Variants in TMEFF2 observed in about 807,000 individuals in gnomAD.
TMEFF2 encodes transmembrane protein with EGF like and two follistatin like domains 2.
Under a neutral mutation model 53.8 loss-of-function variants are expected in TMEFF2, and 28 were observed. The ratio of observed to expected loss-of-function variants is 0.52; its 90% CI spans 0.39 to 0.71. The LOEUF is 0.71. Among genes scored for constraint, TMEFF2 ranks in the 30% least tolerant of loss-of-function variants. The pLI, the probability that TMEFF2 is intolerant of heterozygous loss-of-function variation, is 0.00. For synonymous variants in TMEFF2, 162 were observed against 166.3 expected (o/e 0.97, Z 0.20); for missense variants, 353 against 455.2 (o/e 0.78, Z 2.04).
intron 5 of TMEFF2, among the ~76,000 whole-genome samples, chr2:192,003,925 G>T (rs959848221): frequency 1.6e-5 from 2 of 128,470 alleles, no homozygotes; most frequent in African/African-American, 6.6e-5. Context: ...TTGTGTGTGT[G>T]TGTGGGGGGG....
intron 4 of TMEFF2, among the ~76,000 whole-genome samples, chr2:192,125,845 G>A (rs934743874): frequency 5.3e-4 from 80 of 152,126 alleles, no homozygotes; most frequent in African/African-American, 1.8e-3. Context: ...GACACATGTT[G>A]GGAAACAAGA....
At chr2:192,152,416 A>G (rs1690409469) in intron 4 of TMEFF2, among the ~76,000 whole-genome samples, 1 of 151,880 alleles carries the variant, frequency 6.6e-6, no homozygotes, top group Non-Finnish European at 1.5e-5. Flanking sequence ...GACCTCATGG[A>G]AGGTAGTTAA....
chr2:192,155,008 T>C (rs1452046655), intron 4 of TMEFF2, among the ~76,000 whole-genome samples: 1 of 151,960 alleles, frequency 6.6e-6, no homozygotes, highest in Non-Finnish European at 1.5e-5. Context: ...TTAAGTTGGA[T>C]ATCGATATTT....
At chr2:192,077,301 A>G (rs1688454539) in intron 4 of TMEFF2, among the ~76,000 whole-genome samples, 1 of 152,180 alleles carries the variant, frequency 6.6e-6, no homozygotes, top group Non-Finnish European at 1.5e-5. Context: ...AGCAAAGAAG[A>G]AAATGCCTCA....
chr2:191,986,824 C>T (rs1228941186), intron 7 of TMEFF2, among the ~76,000 whole-genome samples: 2 of 146,720 alleles, frequency 1.4e-5, no homozygotes, highest in East Asian at 2.0e-4. Flanking sequence ...TGTCACTGCA[C>T]TCCAGGCTGG....
chr2:192,142,762 C>T (rs187891851), intron 4 of TMEFF2, among the ~76,000 whole-genome samples: 1 of 152,204 alleles, frequency 6.6e-6, no homozygotes, highest in Non-Finnish European at 1.5e-5. Context: ...TAAAAGCTAC[C>T]ACTGATCTAA....
chr2:192,047,932 C>T lies in TMEFF2; in HGVS notation c.536+9747G>A, dbSNP rs187623106. 1.4e-3 allele frequency among the ~76,000 whole-genome samples: 218 copies of T among 152,276 alleles called. 1 individual carries two copies. The highest frequency in any genetic ancestry group is 3.4e-3 in the Middle Eastern group (1 of 294). On this transcript the variant is annotated intron_variant, in intron 5 of 9. Transcript: ENST00000272771. ...CAGAAGACCAGCAACAGTTTCTACC[C>T]GATTTAATACACCTTTGGGAGGACA... is the stretch of plus-strand genomic sequence containing the variant.
chr2:192,078,759 T>C (rs60078011), intron 4 of TMEFF2, among the ~76,000 whole-genome samples: 5,103 of 152,284 alleles, frequency 0.034, 290 homozygotes, highest in African/African-American at 0.11. Flanking sequence ...TCTAATCGAC[T>C]ATATCAGTTC....
chr2:192,055,482 A>G (rs1449295046), intron 5 of TMEFF2, among the ~76,000 whole-genome samples: 1 of 152,150 alleles, frequency 6.6e-6, no homozygotes, highest in Non-Finnish European at 1.5e-5. Context: ...TTTAAAAACC[A>G]TACATTTGTT....
At chr2:192,077,927 C>T (rs570216286) in intron 4 of TMEFF2, among the ~76,000 whole-genome samples, 1 of 151,992 alleles carries the variant, frequency 6.6e-6, no homozygotes, top group South Asian at 2.1e-4. Flanking sequence ...TCCTTGCCAC[C>T]CCCGTGTGTG....
chr2:192,119,951 G>C (rs1428577357), intron 4 of TMEFF2, among the ~76,000 whole-genome samples: 1 of 152,124 alleles, frequency 6.6e-6, no homozygotes, highest in African/African-American at 2.4e-5. Flanking sequence ...AGTAATTTCT[G>C]GACCCTGTTC....
intron 8 of TMEFF2, 122 bp downstream of exon 8, chr2:191,956,128 CAGAGA>C (rs1436093431): frequency 1.6e-5 from 15 of 951,252 alleles, no homozygotes; most frequent in African/African-American, 8.3e-5. Flanking sequence ...ACAGGAGGAG[CAGAGA>C]AAAGTTTTGT....
chr2:192,094,611 T>C (rs1254664489), intron 4 of TMEFF2, among the ~76,000 whole-genome samples: 3 of 152,148 alleles, frequency 2.0e-5, no homozygotes, highest in African/African-American at 7.2e-5. Flanking sequence ...AAAACAAATA[T>C]TTTCAAACTT....
intron 4 of TMEFF2, among the ~76,000 whole-genome samples, chr2:192,144,779 C>A (rs1173012866): frequency 6.6e-6 from 1 of 151,912 alleles, no homozygotes; most frequent in Non-Finnish European, 1.5e-5. Context: ...CCTGTACATG[C>A]TGAGAACAGG....
Position 191,998,271 on chromosome 2 carries a change from C to G in TMEFF2, c.736G>C (p.Asp246His), listed in dbSNP as rs1686271846. Residue 246 changes from aspartate to histidine, a missense_variant, in exon 7 of 10, where the codon GAT becomes CAT. By Grantham distance (81) the Asp-to-His change is moderately conservative. This residue lies in a region of TMEFF2 where 294 missense variants were observed against 397.3 expected (regional missense o/e 0.74). Transcript: ENST00000272771. The stretch of plus-strand genomic sequence containing the variant: ...AGAAAATATTATGTACCTGCATAAT[C>G]TGTTCTTGCATAATGCCCATCTTCA... ...KSEDGHYARTDYAENANKLEE... is the reference protein window; with the variant it reads ...KSEDGHYARTHYAENANKLEE... 1 of 1,598,208 alleles carries G rather than the reference C, an allele frequency of 6.3e-7. No individual in the cohort carries two copies. The highest frequency in any genetic ancestry group is 1.1e-5 in the South Asian group (1 of 88,756).
chr2:192,162,739 A>G (rs1005858275), intron 4 of TMEFF2, among the ~76,000 whole-genome samples: 1 of 152,208 alleles, frequency 6.6e-6, no homozygotes, highest in East Asian at 1.9e-4. Context: ...ATGAGCTTTT[A>G]AAAACCAAAC....
intron 5 of TMEFF2, among the ~76,000 whole-genome samples, chr2:192,015,261 A>G (rs1042581494): frequency 1.4e-5 from 2 of 143,410 alleles, no homozygotes; most frequent in Non-Finnish European, 3.0e-5. Flanking sequence ...TTATTGACAG[A>G]GGGACATTAA....
intron 7 of TMEFF2, among the ~76,000 whole-genome samples, chr2:191,991,310 T>C (rs1402578832): frequency 6.6e-6 from 1 of 152,104 alleles, no homozygotes; most frequent in Non-Finnish European, 1.5e-5. Context: ...AATATATGTA[T>C]AACAACTCTG....
chr2:192,112,027 G>A (rs976364093), intron 4 of TMEFF2, among the ~76,000 whole-genome samples: 5 of 152,224 alleles, frequency 3.3e-5, no homozygotes, highest in Middle Eastern at 3.2e-3. Context: ...CTGCTGCATG[G>A]ATGGAGACCT....
Sources: gnomAD v4.1 joint callset for allele counts (sites outside exome capture counted in the v4.1 genomes callset) on GRCh38, gnomAD v4.1.1 for gene constraint, gnomAD v4.1.1 regional missense constraint, MANE v1.5 for transcripts, NCBI Gene and HGNC (gene_info 2026-07-23, HGNC 2026-07-21) for gene names.